Variants in ARRB1 observed in about 807,000 individuals in gnomAD.
The protein encoded by ARRB1 is arrestin beta 1, also known as beta-arrestin-1.
A neutral mutation model predicts 56.8 loss-of-function variants in ARRB1; 21 were observed. That is an observed-to-expected ratio of 0.37 (90% confidence interval 0.26 to 0.53). The LOEUF (loss-of-function observed/expected upper bound fraction) is 0.53. ARRB1 is among the 20% of genes least tolerant of loss of function. The probability of loss-of-function intolerance (pLI) is 0.88; values close to 1 mark genes in which losing one functional copy is unlikely to be tolerated. For synonymous variants in ARRB1, 210 were observed against 218.6 expected (o/e 0.96, Z 0.35); for missense variants, 424 against 553.7 (o/e 0.77, Z 2.35).
At chr11:75,304,603 G>C (rs1344698573) in intron 1 of ARRB1, among the ~76,000 whole-genome samples, 1 of 151,446 alleles carries the variant, frequency 6.6e-6, no homozygotes, top group East Asian at 1.9e-4. Flanking sequence ...TGCACCCCAG[G>C]GGACACCTGG....
chr11:75,281,108 C>T lies in ARRB1; in HGVS notation c.449G>A (p.Cys150Tyr). 1 of 1,603,420 alleles carries T rather than the reference C, an allele frequency of 6.2e-7. No homozygotes were observed. Among genetic ancestry groups the T allele is most frequent in the Non-Finnish European group, 8.5e-7 (1 of 1,174,722 alleles). Residue 150 changes from cysteine (C) to tyrosine (Y), a missense_variant, in exon 7 of 16, where the codon TGC becomes TAC. By Grantham distance (194) the Cys-to-Tyr change is radical. Around this residue, in one of 3 missense-constraint regions of ARRB1, gnomAD observed 301 missense variants for 387.9 expected, o/e 0.78. Transcript: ENST00000420843. ...CGVDYEVKAF[C>Y]AENLEEKIHK... ...GATCTTCTCCTCCAAATTCTCCGCG[C>T]AGAAGGCTTTGACTTCATAGTCCAC...
chr11:75,287,387 A>G lies in ARRB1; in HGVS notation c.52-12T>C, dbSNP rs1946506737. The G allele has an allele frequency of 1.3e-6, 2 of 1,557,366 alleles. No individual in the cohort carries two copies. Among genetic ancestry groups the G allele is most frequent in the East Asian group, 4.8e-5 (2 of 41,472 alleles). ...AGGTAGACGGTGAGCTGAGGAGGAG[A>G]GGCATAGGGGGCGTTAGCAGCTGCA... is the stretch of plus-strand genomic sequence containing the variant. On this transcript the variant is annotated splice_polypyrimidine_tract_variant and intron_variant, in intron 2 of 15. Transcript: ENST00000420843.
At chr11:75,303,063 A>G (rs1009905999) in intron 1 of ARRB1, among the ~76,000 whole-genome samples, 13 of 151,970 alleles carry the variant, frequency 8.6e-5, no homozygotes, top group Non-Finnish European at 8.8e-5. Flanking sequence ...GTGGAGTGGC[A>G]TGATCTTGGC....
At chr11:75,273,425 G>A (rs1946116450) in intron 11 of ARRB1, among the ~76,000 whole-genome samples, 1 of 152,212 alleles carries the variant, frequency 6.6e-6, no homozygotes, top group Non-Finnish European at 1.5e-5. Context: ...TCTTGAAGAT[G>A]GGTAGGGTGT....
chr11:75,267,594 C>T (rs914056782), intron 15 of ARRB1, 58 bp downstream of exon 15: 5 of 1,504,764 alleles, frequency 3.3e-6, no homozygotes, highest in Admixed American at 1.7e-5. Flanking sequence ...AAATGACCCC[C>T]TCCACCCCGC....
chr11:75,278,407 GC>G (rs896919734), intron 8 of ARRB1, among the ~76,000 whole-genome samples: 2 of 152,210 alleles, frequency 1.3e-5, no homozygotes, highest in African/African-American at 4.8e-5. Flanking sequence ...TCAAGTTCAT[GC>G]CCCCTTTGCC....
intron 1 of ARRB1, among the ~76,000 whole-genome samples, chr11:75,344,996 A>G (rs1197838658): frequency 3.3e-5 from 5 of 152,296 alleles, no homozygotes; most frequent in South Asian, 2.1e-4. Context: ...ACTCGACATC[A>G]GTCACAGTGC....
chr11:75,301,837 C>T (rs965891914), intron 1 of ARRB1, among the ~76,000 whole-genome samples: 3 of 152,126 alleles, frequency 2.0e-5, no homozygotes, highest in Non-Finnish European at 4.4e-5. Flanking sequence ...CAGAGTGTGG[C>T]CCTTCTGTTT....
intron 1 of ARRB1, among the ~76,000 whole-genome samples, chr11:75,298,420 T>C (rs752104739): frequency 5.3e-4 from 80 of 152,304 alleles, no homozygotes; most frequent in Middle Eastern, 6.8e-3. Context: ...CCAAAGAAGA[T>C]ATTCAAGTGG....
intron 1 of ARRB1, among the ~76,000 whole-genome samples, chr11:75,310,879 C>G (rs987290081): frequency 1.3e-5 from 2 of 152,186 alleles, no homozygotes; most frequent in African/African-American, 4.8e-5. Context: ...CCCAGGAGGC[C>G]GGCTCCCCAA....
intron 1 of ARRB1, chr11:75,306,474 TG>T: frequency 1.4e-6 from 1 of 723,466 alleles, no homozygotes; most frequent in African/African-American, 1.8e-5. Context: ...GCACATCTCA[TG>T]GAGAGAGGAA....
chr11:75,341,387 C>T (rs1591991942), intron 1 of ARRB1, among the ~76,000 whole-genome samples: 1 of 152,170 alleles, frequency 6.6e-6, no homozygotes, highest in African/African-American at 2.4e-5. Context: ...ATCTGCCCAC[C>T]TCAGCCTCCC....
chr11:75,328,529 A>T (rs1162652983), intron 1 of ARRB1, among the ~76,000 whole-genome samples: 3 of 152,156 alleles, frequency 2.0e-5, no homozygotes, highest in Admixed American at 2.0e-4. Context: ...CTGCCGCCCA[A>T]ATGAAAGTGC....
chr11:75,328,020 C>A (rs1947468853), intron 1 of ARRB1, among the ~76,000 whole-genome samples: 1 of 152,178 alleles, frequency 6.6e-6, no homozygotes. Context: ...TTGTGCAAAA[C>A]CGCCACTTCT....
rs566984804 is a variant in ARRB1 at position 75,287,234 on chromosome 11, C to G, written c.112+81G>C. On this transcript the variant is annotated intron_variant, in intron 3 of 15. Transcript: ENST00000420843. ...CCCCCGTTCTTGGCACCGGGCCCCT[C>G]TGGAGAGCTGAGAGCTATTTCTGGG... 473 of 1,451,898 alleles carry G rather than the reference C, an allele frequency of 3.3e-4. 1 individual carries two copies. The highest frequency in any genetic ancestry group is 3.8e-4 in the Non-Finnish European group (413 of 1,074,102). The allele number at this position is 1,451,898 out of a possible 1,614,324, so 89.9% of individuals were successfully genotyped here. A position where few individuals can be genotyped will look rare whatever the true frequency, so the allele number is the denominator to read the frequency against.
intron 15 of ARRB1, 100 bp from the exon 16 acceptor site, chr11:75,266,374 G>T: frequency 1.0e-6 from 1 of 984,028 alleles, no homozygotes. Flanking sequence ...ATGGCTCTGG[G>T]GCCGGGGAGA....
intron 2 of ARRB1, among the ~76,000 whole-genome samples, chr11:75,287,631 A>G (rs1946512259): frequency 6.6e-6 from 1 of 152,234 alleles, no homozygotes; most frequent in Non-Finnish European, 1.5e-5. Context: ...AGATGAGGAC[A>G]CTGAGGCCCG....
chr11:75,278,476 G>A, intron 8 of ARRB1, 133 bp downstream of exon 8: 1 of 1,303,616 alleles, frequency 7.7e-7, no homozygotes. Flanking sequence ...CAGATTCCCT[G>A]ACCCCTGTGG....
In ARRB1 at chr11:75,344,515, A is replaced by G. The variant is rs147168877; in HGVS notation, c.20+7073T>C. ...TACTCCCCACCCCTCCCCTGGCCCT[A>G]TGCCAAAACCTGTCCATGCCCTTTG... On this transcript the variant is annotated intron_variant, in intron 1 of 15. Transcript: ENST00000420843. Among the ~76,000 whole-genome samples the G allele has an allele frequency of 5.9e-4, 90 of 152,258 alleles. No homozygotes were observed. In the East Asian group the frequency reaches 0.016, roughly 27 times the overall value.
Sources: gnomAD v4.1 joint callset for allele counts (sites outside exome capture counted in the v4.1 genomes callset) on GRCh38, gnomAD v4.1.1 for gene constraint, gnomAD v4.1.1 regional missense constraint, MANE v1.5 for transcripts, NCBI Gene and HGNC (gene_info 2026-07-23, HGNC 2026-07-21) for gene names.